TGFA: variants seen among roughly 807,000 people sequenced by gnomAD.
TGFA encodes the protein transforming growth factor alpha.
TGFA carries 12 observed loss-of-function variants against 21.7 expected under a neutral mutation model. The observed-to-expected ratio is 0.55, with a 90% CI of 0.35 to 0.90. The LOEUF is 0.90. TGFA is among the 40% of genes least tolerant of loss of function. The probability of loss-of-function intolerance (pLI) is 0.01; values close to 1 mark genes in which losing one functional copy is unlikely to be tolerated. For synonymous variants in TGFA, 79 were observed against 88.1 expected, an observed-to-expected ratio of 0.90 and a Z score of 0.58; for missense variants, 178 against 210.8, an observed-to-expected ratio of 0.84 and a Z score of 0.96.
At chr2:70,451,941 G>A (rs1215459815) in intron 5 of TGFA, among the ~76,000 whole-genome samples, 1 of 152,100 alleles carries the variant, frequency 6.6e-6, no homozygotes, top group Non-Finnish European at 1.5e-5. Context: ...AAGAGCTGTG[G>A]CTCCTAAATC....
At chr2:70,514,960 A>ACTC in intron 1 of TGFA, 48 bp from the exon 2 acceptor site, 1 of 1,586,140 alleles carries the variant, frequency 6.3e-7, no homozygotes, top group Middle Eastern at 1.7e-4. Context: ...TGCTTGGCAA[A>ACTC]TGATGTCCTC....
intron 1 of TGFA, among the ~76,000 whole-genome samples, chr2:70,517,556 C>G (rs1427221412): frequency 6.6e-6 from 1 of 152,218 alleles, no homozygotes; most frequent in Non-Finnish European, 1.5e-5. Context: ...GCCTCCCAAC[C>G]TTCTGGTCCA....
At chr2:70,553,056 C>T in intron 1 of TGFA, 1 of 991,286 alleles carries the variant, frequency 1.0e-6, no homozygotes, top group Non-Finnish European at 1.5e-6. Flanking sequence ...TTTCCAAGGA[C>T]ATACTCAAAG....
At chr2:70,501,416 GA>G (rs1429646418) in intron 2 of TGFA, among the ~76,000 whole-genome samples, 2 of 152,074 alleles carry the variant, frequency 1.3e-5, no homozygotes, top group African/African-American at 4.8e-5. Context: ...CCACTGAGAA[GA>G]ACCCAAGGGC....
intron 2 of TGFA, among the ~76,000 whole-genome samples, chr2:70,484,133 C>T (rs1553496199): frequency 6.6e-6 from 1 of 152,208 alleles, no homozygotes. Flanking sequence ...ACTTCTATAG[C>T]ACATATAGAT....
intron 2 of TGFA, among the ~76,000 whole-genome samples, chr2:70,483,558 CTTTT>C (rs1671189352): frequency 6.6e-6 from 1 of 152,106 alleles, no homozygotes; most frequent in African/African-American, 2.4e-5. Flanking sequence ...TTGTTTTATT[CTTTT>C]TGACAGAAAA....
rs370432799 is a variant in TGFA, at chr2:70,552,967, C to A, written c.40+761G>T. Among the ~76,000 whole-genome samples the A allele has an allele frequency of 2.1e-3, 323 of 152,308 alleles. 2 individuals are homozygous for A. Among genetic ancestry groups the A allele is most frequent in the African/African-American group, 7.4e-3 (306 of 41,572 alleles). ...GTCCAGACAGACCCTTGAACTTCACCGCCAAAAAACGCACCGCTCCGCAGA... is the reference window on the plus strand; with the variant it reads ...GTCCAGACAGACCCTTGAACTTCACAGCCAAAAAACGCACCGCTCCGCAGA... On this transcript the variant is annotated intron_variant, in intron 1 of 5. Transcript: ENST00000295400.
Position 70,449,333 on chromosome 2 carries a change from A to G in TGFA, c.*1526T>C, listed in dbSNP as rs1165269662. 6.6e-6 allele frequency: 1 copy of G among 152,478 alleles called. No individual in the cohort carries two copies. Among genetic ancestry groups the G allele is most frequent in the African/African-American group, 2.4e-5 (1 of 41,488 alleles). 9.4% of individuals were successfully genotyped at this position (152,478 alleles called of 1,614,324 possible). ...ACGATGTAATAAGCTAGGTGCACTTAAGAGTTAATACATAGAAATCTTTCA... is the reference window on the plus strand; with the variant it reads ...ACGATGTAATAAGCTAGGTGCACTTGAGAGTTAATACATAGAAATCTTTCA... On this transcript the variant is annotated 3_prime_UTR_variant, in exon 6 of 6. Transcript: ENST00000295400.
intron 2 of TGFA, among the ~76,000 whole-genome samples, chr2:70,502,322 A>T (rs1671761305): frequency 6.6e-6 from 1 of 152,018 alleles, no homozygotes; most frequent in South Asian, 2.1e-4. Flanking sequence ...GCTTCCTTTG[A>T]TCTGTTTTTG....
chr2:70,467,866 T>G (rs1553492583), intron 2 of TGFA, among the ~76,000 whole-genome samples: 1 of 152,124 alleles, frequency 6.6e-6, no homozygotes, highest in Non-Finnish European at 1.5e-5. Flanking sequence ...ACAGAATCCT[T>G]GACATTGAAG....
chr2:70,550,279 T>C (rs1399932344), intron 1 of TGFA, among the ~76,000 whole-genome samples: 12 of 150,152 alleles, frequency 8.0e-5, no homozygotes, highest in Admixed American at 6.6e-5. Context: ...GCAGTCCTTA[T>C]TTTTTTTTAT....
In TGFA at chr2:70,510,775, A is replaced by G. The variant is rs1672073019; in HGVS notation, c.94+4084T>C. ...GAGAAATGAAGACAGGAAGAAACCA[A>G]TGAAATGTCAAGAAGAAAGGCCAAG... On this transcript the variant is annotated intron_variant, in intron 2 of 5. Transcript: ENST00000295400. Among the ~76,000 whole-genome samples, 5 of 152,166 alleles carry G rather than the reference A, an allele frequency of 3.3e-5. No homozygotes were observed. The South Asian group carries it at 8.3e-4, about 25-fold the overall frequency.
intron 3 of TGFA, among the ~76,000 whole-genome samples, chr2:70,459,551 T>A (rs59756648): frequency 3.9e-5 from 6 of 152,138 alleles, no homozygotes; most frequent in Non-Finnish European, 7.4e-5. Context: ...GGCTACTGAT[T>A]GTCCTGGAGC....
Position 70,448,594 on chromosome 2 carries a change from T to TTGATTTC in TGFA, c.*2258_*2264dup, listed in dbSNP as rs1177997643. The stretch of plus-strand genomic sequence containing the variant: ...GAGGGATCCAATGCTTATCAGTCAT[T>TTGATTTC]TGATTTCTAGAAGAAAAATCCCCAA... On this transcript the variant is annotated 3_prime_UTR_variant, in exon 6 of 6. Transcript: ENST00000295400. The TTGATTTC allele has an allele frequency of 2.6e-5, 4 of 152,250 alleles. No homozygotes were observed. The highest frequency in any genetic ancestry group is 9.6e-5 in the African/African-American group (4 of 41,464). 9.4% of individuals were successfully genotyped at this position (152,250 alleles called of 1,614,324 possible).
At chr2:70,489,949 A>G (rs1255536020) in intron 2 of TGFA, among the ~76,000 whole-genome samples, 3 of 152,152 alleles carry the variant, frequency 2.0e-5, no homozygotes, top group Non-Finnish European at 4.4e-5. Context: ...TTCCACACGC[A>G]TTGCAGTCAC....
chr2:70,549,429 A>G (rs1444865598), intron 1 of TGFA, among the ~76,000 whole-genome samples: 1 of 152,106 alleles, frequency 6.6e-6, no homozygotes, highest in African/African-American at 2.4e-5. Flanking sequence ...TCAGCAACAT[A>G]CGCCACACCT....
intron 2 of TGFA, among the ~76,000 whole-genome samples, chr2:70,495,915 G>A (rs1187062409): frequency 6.6e-6 from 1 of 152,108 alleles, no homozygotes; most frequent in African/African-American, 2.4e-5. Context: ...TTTCTTACTT[G>A]CACCCTACTG....
chr2:70,553,132 C>T (rs1293027220), intron 1 of TGFA: 2 of 1,527,440 alleles, frequency 1.3e-6, no homozygotes, highest in African/African-American at 1.4e-5. Context: ...CCACTTCTCC[C>T]AGGGAAGTTA....
At chr2:70,452,508 T>C (rs1670088839) in intron 5 of TGFA, among the ~76,000 whole-genome samples, 1 of 152,126 alleles carries the variant, frequency 6.6e-6, no homozygotes, top group South Asian at 2.1e-4. Context: ...AATTCCTCCT[T>C]TTACAGATGA....
Sources: allele counts gnomAD v4.1 joint callset (sites outside exome capture counted in the v4.1 genomes callset), GRCh38; gene constraint gnomAD v4.1.1; transcripts MANE v1.5; gene names NCBI Gene and HGNC (gene_info 2026-07-23, HGNC 2026-07-21).